PTPRN2: variants seen among roughly 807,000 people sequenced by gnomAD.
PTPRN2 encodes the protein receptor-type tyrosine-protein phosphatase N2.
Under a neutral mutation model 118.8 loss-of-function variants are expected in PTPRN2, and 74 were observed. That is an observed-to-expected ratio of 0.62 (90% CI 0.52 to 0.76). The LOEUF (loss-of-function observed/expected upper bound fraction) is 0.76, where lower values mean the gene tolerates loss of function less well. Ranked by LOEUF, PTPRN2 falls within the 30% of genes least tolerant of loss-of-function variation. The pLI is 0.00. For missense variants in PTPRN2, 1,481 were observed against 1,394.4 expected (o/e 1.06, Z -0.99); for synonymous variants, 641 against 608.0 (o/e 1.05, Z -0.80).
intron 2 of PTPRN2, among the ~76,000 whole-genome samples, chr7:158,441,801 T>C (rs1424050005): frequency 7.1e-6 from 1 of 140,400 alleles, no homozygotes; most frequent in African/African-American, 2.7e-5. Flanking sequence ...GTGATGGTCA[T>C]GGCAGTGGTG....
rs1797448683 is a variant in PTPRN2, at chr7:157,690,891, C to T, written c.1789-7954G>A. On this transcript the variant is annotated intron_variant, in intron 12 of 22. Coordinates refer to ENST00000389418, the MANE Select transcript of PTPRN2 (RefSeq NM_002847.5). The surrounding 1 kb of genome is among the most constrained non-coding windows in gnomAD (Gnocchi z 7.1). The stretch of plus-strand genomic sequence containing the variant: ...CGGCCCCCGGGCTAGGCACGCTGGG[C>T]CGGGGCGCGGCGCGGGCGGGCTCAG... Among the ~76,000 whole-genome samples the T allele has an allele frequency of 1.4e-5, 2 of 145,930 alleles. No homozygotes were observed. Among genetic ancestry groups the T allele is most frequent in the South Asian group, 4.2e-4 (2 of 4,804 alleles).
At chr7:158,201,844 T>C (rs958704964) in intron 4 of PTPRN2, among the ~76,000 whole-genome samples, 3 of 152,166 alleles carry the variant, frequency 2.0e-5, no homozygotes, top group Admixed American at 6.5e-5. Flanking sequence ...ACCAAACCAA[T>C]GTATTTGATT....
chr7:157,787,475 TGGGCAGGGC>T lies in PTPRN2; in HGVS notation c.1789-104547_1789-104539del, dbSNP rs1191664841. The stretch of plus-strand genomic sequence containing the variant: ...TGTTGCTGTGCCTGGGTCACCCCAG[TGGGCAGGGC>T]GGGCAGGGGGCTTCCCCACAGTCTA... On this transcript the variant is annotated intron_variant, in intron 12 of 22. Transcript: ENST00000389418. The surrounding 1 kb of genome is among the most constrained non-coding windows in gnomAD (Gnocchi z 5.3). 2.6e-5 allele frequency among the ~76,000 whole-genome samples: 4 copies of T among 151,784 alleles called. No individual in the cohort carries two copies. Among genetic ancestry groups the T allele is most frequent in the Admixed American group, 2.6e-4 (4 of 15,266 alleles).
chr7:158,235,959 T>C (rs978194879), intron 3 of PTPRN2, among the ~76,000 whole-genome samples: 3 of 152,140 alleles, frequency 2.0e-5, no homozygotes, highest in Non-Finnish European at 2.9e-5. Flanking sequence ...TGACCACACC[T>C]CCCAAAACCA....
At position 158,025,417 on chromosome 7, in the gene PTPRN2, C is replaced by A. The variant is rs552663614; in HGVS notation, c.1723+55881G>T. ...TGACATCCCCAAGTCTCTCCTGGCACCCCCAGCACGGCCGCCTTCCCCAGA... is the reference window on the plus strand; with the variant it reads ...TGACATCCCCAAGTCTCTCCTGGCAACCCCAGCACGGCCGCCTTCCCCAGA... On this transcript the variant is annotated intron_variant, in intron 11 of 22. Coordinates refer to ENST00000389418, the MANE Select transcript of PTPRN2 (RefSeq NM_002847.5). 3.9e-5 allele frequency among the ~76,000 whole-genome samples: 6 copies of A among 152,316 alleles called. No homozygotes were observed. The East Asian group carries it at 1.2e-3, about 29-fold the overall frequency.
At chr7:157,547,577 C>T (rs1319055480) in intron 22 of PTPRN2, among the ~76,000 whole-genome samples, 1 of 152,044 alleles carries the variant, frequency 6.6e-6, no homozygotes, top group Non-Finnish European at 1.5e-5. Context: ...TCGACAGCCT[C>T]GCAACACATG....
At chr7:157,569,540 C>T (rs1799659570) in intron 20 of PTPRN2, among the ~76,000 whole-genome samples, 1 of 152,256 alleles carries the variant, frequency 6.6e-6, no homozygotes, top group South Asian at 2.1e-4. Flanking sequence ...AAAAAGCACT[C>T]TCATTTCATC....
chr7:158,191,401 T>C (rs1345655952), intron 5 of PTPRN2, among the ~76,000 whole-genome samples: 1 of 151,372 alleles, frequency 6.6e-6, no homozygotes, highest in Non-Finnish European at 1.5e-5. Context: ...AGAAAAGGAG[T>C]GTGTGAGCGT....
intron 6 of PTPRN2, among the ~76,000 whole-genome samples, chr7:158,153,138 G>C (rs1455119222): frequency 6.6e-6 from 1 of 152,168 alleles, no homozygotes; most frequent in African/African-American, 2.4e-5. Context: ...ACGATGCCGA[G>C]TGTGGCCGGG....
At position 158,447,789 on chromosome 7, in the gene PTPRN2, G is replaced by A. The variant is rs576125619; in HGVS notation, c.163+41946C>T. 2.2e-4 allele frequency among the ~76,000 whole-genome samples: 34 copies of A among 152,360 alleles called. No homozygotes were observed. The East Asian group carries it at 3.5e-3, about 16-fold the overall frequency. On this transcript the variant is annotated intron_variant, in intron 2 of 22. Coordinates refer to ENST00000389418, the MANE Select transcript of PTPRN2 (RefSeq NM_002847.5). ...GAGCTGACCTCTCTGCGCAGGTGCC[G>A]GGGTACGAGCACCAGCAGAGCCGAG...
At chr7:158,156,075 G>A (rs1360157269) in intron 6 of PTPRN2, among the ~76,000 whole-genome samples, 1 of 152,146 alleles carries the variant, frequency 6.6e-6, no homozygotes, top group African/African-American at 2.4e-5. Context: ...ATATGAGGGG[G>A]TAAGGAATCA....
rs1181468872 is a variant in PTPRN2 at position 158,089,565 on chromosome 7, T to C, written c.1644-8188A>G. Among the ~76,000 whole-genome samples the C allele has an allele frequency of 4.4e-3, 494 of 111,276 alleles. 4 individuals carry two copies. The highest frequency in any genetic ancestry group is 0.011 in the East Asian group (36 of 3,166). The allele number at this position is 111,276 out of a possible 152,430, so 73.0% of individuals were successfully genotyped here. A position where few individuals can be genotyped will look rare whatever the true frequency, so the allele number is the denominator to read the frequency against. On this transcript the variant is annotated intron_variant, in intron 10 of 22. Transcript: ENST00000389418. ...AGAGGGAGTCTTCACACAAACCTTC[T>C]TCCCCTGATGAAAGAGGGAGTCTTC...
intron 12 of PTPRN2, among the ~76,000 whole-genome samples, chr7:157,700,805 C>T (rs549073015): frequency 4.7e-4 from 71 of 152,298 alleles, no homozygotes; most frequent in Non-Finnish European, 7.5e-4. Flanking sequence ...CCCTGGTCAG[C>T]GGCCGCGAGG....
intron 3 of PTPRN2, among the ~76,000 whole-genome samples, chr7:158,295,251 G>C (rs12698201): frequency 2.4e-4 from 1 of 4,166 alleles, no homozygotes; most frequent in African/African-American, 8.2e-4. Context: ...CAGACACTGC[G>C]CCACTTTCCA....
Position 157,781,098 on chromosome 7 carries a change from T to C in PTPRN2, c.1789-98161A>G, listed in dbSNP as rs142594109. 2.2e-3 allele frequency among the ~76,000 whole-genome samples: 341 copies of C among 152,266 alleles called. 1 individual carries two copies. The highest frequency in any genetic ancestry group is 7.7e-3 in the African/African-American group (319 of 41,546). On this transcript the variant is annotated intron_variant, in intron 12 of 22. Coordinates refer to ENST00000389418, the MANE Select transcript of PTPRN2 (RefSeq NM_002847.5). Reference sequence around the variant, plus strand: ...CCCCTCTGCGGAACAAGACAAGGGCTCCCTTCGCCTGGCTGTGGTAGTGCT... The same window carrying C: ...CCCCTCTGCGGAACAAGACAAGGGCCCCCTTCGCCTGGCTGTGGTAGTGCT...
intron 2 of PTPRN2, among the ~76,000 whole-genome samples, chr7:158,334,592 C>A (rs868478936): frequency 2.8e-5 from 3 of 106,098 alleles, no homozygotes; most frequent in African/African-American, 1.1e-4. Context: ...CACTCACACC[C>A]ACACTCTCAC....
At chr7:158,147,634 CT>C (rs1820275342) in intron 6 of PTPRN2, among the ~76,000 whole-genome samples, 1 of 82,878 alleles carries the variant, frequency 1.2e-5, no homozygotes, top group Non-Finnish European at 2.4e-5. Flanking sequence ...GTCTTTCCCC[CT>C]CAATGACACC....
At chr7:157,847,926 C>T (rs1331384754) in intron 12 of PTPRN2, among the ~76,000 whole-genome samples, 2 of 150,892 alleles carry the variant, frequency 1.3e-5, no homozygotes, top group African/African-American at 4.9e-5. Flanking sequence ...TCATGTGTGC[C>T]CGATGTCTAC....
At chr7:158,523,455 T>A (rs1444403230) in intron 1 of PTPRN2, among the ~76,000 whole-genome samples, 1 of 138,010 alleles carries the variant, frequency 7.2e-6, no homozygotes, top group South Asian at 2.4e-4. Flanking sequence ...AGCGGAGTCG[T>A]CTGCCCTGGA....
Sources: gnomAD v4.1 joint callset for allele counts (sites outside exome capture counted in the v4.1 genomes callset) on GRCh38, gnomAD v4.1.1 for gene constraint, Gnocchi (gnomAD v3.1) non-coding constraint, MANE v1.5 for transcripts, NCBI Gene and HGNC (gene_info 2026-07-23, HGNC 2026-07-21) for gene names.